TMEM65: variants seen among roughly 807,000 people sequenced by gnomAD.
The protein encoded by TMEM65 is transmembrane protein 65.
TMEM65 carries 22 observed loss-of-function variants against 25.4 expected under a neutral mutation model. The observed-to-expected ratio is 0.86, with a 90% CI of 0.62 to 1.23. The LOEUF is 1.23. TMEM65 is among the 50% of genes most tolerant of loss of function. The pLI, the probability that TMEM65 is intolerant of heterozygous loss-of-function variation, is 0.00. For missense variants in TMEM65, 262 were observed against 308.2 expected (o/e 0.85, Z 1.12); for synonymous variants, 132 against 126.2 (o/e 1.05, Z -0.31).
At chr8:124,337,026 G>A (rs556935847) in intron 1 of TMEM65, among the ~76,000 whole-genome samples, 12 of 151,802 alleles carry the variant, frequency 7.9e-5, no homozygotes, top group African/African-American at 2.2e-4. Context: ...AGGTGAAATG[G>A]ACAAATTCCT....
intron 6 of TMEM65, among the ~76,000 whole-genome samples, chr8:124,317,717 A>T (rs1227243144): frequency 6.6e-6 from 1 of 152,158 alleles, no homozygotes; most frequent in East Asian, 1.9e-4. Flanking sequence ...TTTGAGTAAT[A>T]GGAAAGGTGA....
At chr8:124,322,990 G>C (rs908881828) in intron 4 of TMEM65, among the ~76,000 whole-genome samples, 2 of 144,092 alleles carry the variant, frequency 1.4e-5, no homozygotes, top group Non-Finnish European at 3.0e-5. Context: ...GTGAGACCCC[G>C]TCTCTAAATA....
intron 1 of TMEM65, among the ~76,000 whole-genome samples, chr8:124,367,224 G>A (rs1022031974): frequency 7.2e-5 from 11 of 151,876 alleles, no homozygotes; most frequent in East Asian, 5.8e-4. Context: ...CTGTAATCCC[G>A]GCACTTTGGA....
chr8:124,319,993 C>A, intron 6 of TMEM65, 93 bp downstream of exon 6: 1 of 927,750 alleles, frequency 1.1e-6, no homozygotes. Flanking sequence ...CCATTCAAAC[C>A]AATTTTAGTC....
At chr8:124,319,489 T>C (rs1814279330) in intron 6 of TMEM65, among the ~76,000 whole-genome samples, 1 of 152,136 alleles carries the variant, frequency 6.6e-6, no homozygotes, top group African/African-American at 2.4e-5. Flanking sequence ...CTATATATTA[T>C]ATTCCTAAAG....
chr8:124,339,469 C>T (rs1338215790), intron 1 of TMEM65, among the ~76,000 whole-genome samples: 1 of 151,574 alleles, frequency 6.6e-6, no homozygotes, highest in Non-Finnish European at 1.5e-5. Flanking sequence ...CAGAGTGCTG[C>T]CCAATTCATG....
intron 1 of TMEM65, among the ~76,000 whole-genome samples, chr8:124,354,360 C>A (rs915679726): frequency 6.6e-6 from 1 of 152,078 alleles, no homozygotes; most frequent in Non-Finnish European, 1.5e-5. Context: ...TAGTAAAGTA[C>A]CCATGTTATA....
At chr8:124,369,390 T>G (rs1020040511) in intron 1 of TMEM65, among the ~76,000 whole-genome samples, 1 of 152,192 alleles carries the variant, frequency 6.6e-6, no homozygotes, top group Non-Finnish European at 1.5e-5. Context: ...CAACAGCAGA[T>G]TCCACTGCCA....
Position 124,310,463 on chromosome 8 carries a change from T to G in TMEM65, c.*3497A>C, listed in dbSNP as rs561934693. 7 of 152,280 alleles carry G rather than the reference T, an allele frequency of 4.6e-5. No individual in the cohort carries two copies. Among genetic ancestry groups the G allele is most frequent in the Admixed American group, 4.6e-4 (7 of 15,294 alleles). The allele number at this position is 152,280 out of a possible 1,614,324, so 9.4% of individuals were successfully genotyped here. A position where few individuals can be genotyped will look rare whatever the true frequency, so the allele number is the denominator to read the frequency against. ...CTGCCTAGCAGTTAAGAAGACAGGC[T>G]TCATACTTGGACAAAATAGGATTCC... On this transcript the variant is annotated 3_prime_UTR_variant, in exon 7 of 7. Transcript: ENST00000297632.
Position 124,367,438 on chromosome 8 carries a change from A to G in TMEM65, c.304+4416T>C, listed in dbSNP as rs186849612. On this transcript the variant is annotated intron_variant, in intron 1 of 6. Transcript: ENST00000297632. ...CACTGAGCTGAGATCGCACCACTGCACTCCACCCTGGGCAACAGAGTGAGA... is the reference window on the plus strand; with the variant it reads ...CACTGAGCTGAGATCGCACCACTGCGCTCCACCCTGGGCAACAGAGTGAGA... 2.3e-3 allele frequency among the ~76,000 whole-genome samples: 351 copies of G among 152,240 alleles called. 1 individual carries two copies. Among genetic ancestry groups the G allele is most frequent in the African/African-American group, 8.1e-3 (336 of 41,534 alleles).
At position 124,310,505 on chromosome 8, in the gene TMEM65, G is replaced by A. The variant is rs1042047015; in HGVS notation, c.*3455C>T. 1.3e-5 allele frequency: 2 copies of A among 152,166 alleles called. No homozygotes were observed. The highest frequency in any genetic ancestry group is 4.8e-5 in the African/African-American group (2 of 41,434). 9.4% of individuals were successfully genotyped at this position (152,166 alleles called of 1,614,324 possible). A position where few individuals can be genotyped will look rare whatever the true frequency, so the allele number is the denominator to read the frequency against. On this transcript the variant is annotated 3_prime_UTR_variant, in exon 7 of 7. Coordinates refer to ENST00000297632, the MANE Select transcript of TMEM65 (RefSeq NM_194291.3). ...TAGGATTCCAGTCCACTTATTCGTA[G>A]TGGCAAACTAACCTCTTCATGCCTC...
At chr8:124,367,107 T>C (rs1322746489) in intron 1 of TMEM65, among the ~76,000 whole-genome samples, 1 of 152,230 alleles carries the variant, frequency 6.6e-6, no homozygotes, top group Admixed American at 6.5e-5. Context: ...GTATAAAATG[T>C]TTTTCTTGCC....
intron 1 of TMEM65, among the ~76,000 whole-genome samples, chr8:124,360,110 C>G (rs1814840138): frequency 6.6e-6 from 1 of 152,008 alleles, no homozygotes; most frequent in Admixed American, 6.6e-5. Context: ...TTTTGAAACT[C>G]TTCTGAAAAA....
intron 3 of TMEM65, among the ~76,000 whole-genome samples, chr8:124,326,168 A>C (rs1244122274): frequency 6.6e-6 from 1 of 152,078 alleles, no homozygotes; most frequent in East Asian, 1.9e-4. Flanking sequence ...CGATTTTCTC[A>C]AACAAGTTTA....
intron 1 of TMEM65, among the ~76,000 whole-genome samples, chr8:124,331,740 T>C (rs1814434611): frequency 6.6e-6 from 1 of 151,674 alleles, no homozygotes; most frequent in South Asian, 2.1e-4. Flanking sequence ...ACCCATAGAG[T>C]GGATCACTCT....
At chr8:124,356,539 C>T (rs931645626) in intron 1 of TMEM65, among the ~76,000 whole-genome samples, 1 of 152,132 alleles carries the variant, frequency 6.6e-6, no homozygotes, top group African/African-American at 2.4e-5. Context: ...CTTATTGATA[C>T]TCCCTTCTCA....
At chr8:124,318,361 A>ATTTTTTTTTTTTTTTTTTT (rs1563588866) in intron 6 of TMEM65, among the ~76,000 whole-genome samples, 1 of 107,454 alleles carries the variant, frequency 9.3e-6, no homozygotes, top group African/African-American at 3.7e-5. Flanking sequence ...CTGAATTTGC[A>ATTTTTTTTTTTTTTTTTTT]TGTTTTTGTT....
At chr8:124,339,255 T>C (rs890433234) in intron 1 of TMEM65, among the ~76,000 whole-genome samples, 1 of 102,770 alleles carries the variant, frequency 9.7e-6, no homozygotes, top group Admixed American at 1.1e-4. Flanking sequence ...ATATAAAATA[T>C]TCTTGCAACA....
At chr8:124,357,951 T>C (rs1814806641) in intron 1 of TMEM65, among the ~76,000 whole-genome samples, 1 of 149,190 alleles carries the variant, frequency 6.7e-6, no homozygotes, top group Non-Finnish European at 1.5e-5. Flanking sequence ...TGCCTCAGCC[T>C]CCTGAGTAGC....
Sources: gnomAD v4.1 joint callset for allele counts (sites outside exome capture counted in the v4.1 genomes callset) on GRCh38, gnomAD v4.1.1 for gene constraint, MANE v1.5 for transcripts, NCBI Gene and HGNC (gene_info 2026-07-23, HGNC 2026-07-21) for gene names.